DOCK7: variants seen among roughly 807,000 people sequenced by gnomAD.
DOCK7 encodes the protein dedicator of cytokinesis protein 7.
In DOCK7, 138 loss-of-function variants were observed where a neutral mutation model predicts 271.0. The ratio of observed to expected loss-of-function variants is 0.51; its 90% CI spans 0.44 to 0.59. The LOEUF is 0.59. Among genes scored for constraint, DOCK7 ranks in the 20% least tolerant of loss-of-function variants. DOCK7 has a pLI of 0.00. For synonymous variants in DOCK7, 823 were observed against 876.1 expected (o/e 0.94, Z 1.07); for missense variants, 2,066 against 2,592.4 (o/e 0.80, Z 4.41).
At chr1:62,624,464 A>C (rs145294003) in intron 12 of DOCK7, among the ~76,000 whole-genome samples, 1 of 152,276 alleles carries the variant, frequency 6.6e-6, no homozygotes, top group African/African-American at 2.4e-5. Context: ...TTTGATAGAG[A>C]ATGTCTTGGA....
chr1:62,638,110 C>G (rs1655501851), intron 7 of DOCK7, among the ~76,000 whole-genome samples: 1 of 152,162 alleles, frequency 6.6e-6, no homozygotes, highest in South Asian at 2.1e-4. Context: ...ATCTTTTCAT[C>G]TATTCACTGA....
chr1:62,514,592 AG>A (rs1644603222), intron 31 of DOCK7, among the ~76,000 whole-genome samples: 1 of 152,120 alleles, frequency 6.6e-6, no homozygotes, highest in Non-Finnish European at 1.5e-5. Flanking sequence ...GTCCTCCAAC[AG>A]TATTGCCAAG....
At chr1:62,687,003 C>G (rs1226381460) in intron 1 of DOCK7, among the ~76,000 whole-genome samples, 1 of 152,060 alleles carries the variant, frequency 6.6e-6, no homozygotes, top group Non-Finnish European at 1.5e-5. Flanking sequence ...TGGTCTTGAA[C>G]TCCTGGCCTC....
intron 39 of DOCK7, chr1:62,495,355 G>C (rs1646590112): frequency 3.6e-6 from 1 of 275,678 alleles, no homozygotes; most frequent in South Asian, 1.3e-4. Flanking sequence ...ACTTTGGGAG[G>C]CCAAGACAGG....
intron 36 of DOCK7, 76 bp from the exon 37 acceptor site, chr1:62,504,858 T>C (rs1387304014): frequency 6.6e-7 from 1 of 1,511,076 alleles, no homozygotes; most frequent in Non-Finnish European, 8.9e-7. Context: ...TAACCTGAAC[T>C]GGAGACTTGT....
chr1:62,637,836 G>T (rs906477775), intron 7 of DOCK7, among the ~76,000 whole-genome samples: 3 of 152,134 alleles, frequency 2.0e-5, no homozygotes, highest in African/African-American at 7.2e-5. Context: ...TAGCTATACC[G>T]AAGGTCCTTC....
chr1:62,541,266 C>T (rs1465330477), intron 25 of DOCK7, among the ~76,000 whole-genome samples: 1 of 152,186 alleles, frequency 6.6e-6, no homozygotes. Context: ...TTCTCTGTGC[C>T]TTAGTAATAC....
intron 1 of DOCK7, among the ~76,000 whole-genome samples, chr1:62,670,277 G>T (rs1330612261): frequency 6.6e-6 from 1 of 152,252 alleles, no homozygotes; most frequent in African/African-American, 2.4e-5. Flanking sequence ...GAATGCGAGC[G>T]CACGGCGCAG....
chr1:62,505,128 G>C (rs889731183), intron 36 of DOCK7, among the ~76,000 whole-genome samples: 1 of 152,064 alleles, frequency 6.6e-6, no homozygotes, highest in Non-Finnish European at 1.5e-5. Flanking sequence ...AAAATAATAC[G>C]TAAGTTATTT....
intron 49 of DOCK7, 43 bp downstream of exon 49, chr1:62,457,495 T>C (rs1313325499): frequency 1.9e-6 from 3 of 1,580,196 alleles, no homozygotes; most frequent in Admixed American, 1.8e-5. Flanking sequence ...CATGTTAGGT[T>C]TCAGAGGAAA....
At chr1:62,627,045 C>A (rs905233845) in intron 11 of DOCK7, among the ~76,000 whole-genome samples, 3 of 152,034 alleles carry the variant, frequency 2.0e-5, no homozygotes, top group Admixed American at 2.0e-4. Flanking sequence ...CATGCCATGA[C>A]CAAGCAAGAC....
At chr1:62,494,669 G>A in intron 39 of DOCK7, 1 of 371,684 alleles carries the variant, frequency 2.7e-6, no homozygotes, top group Non-Finnish European at 4.8e-6. Flanking sequence ...GTTGGTGGGG[G>A]GGGCAGGAGG....
chr1:62,539,730 G>A (rs763160863), intron 26 of DOCK7, 22 bp downstream of exon 26: 21 of 1,611,438 alleles, frequency 1.3e-5, no homozygotes, highest in Non-Finnish European at 1.7e-5. Context: ...AGAGAGATAA[G>A]TGGGGAAAAA....
At chr1:62,480,957 C>T (rs1400482671) in intron 43 of DOCK7, among the ~76,000 whole-genome samples, 3 of 130,636 alleles carry the variant, frequency 2.3e-5, no homozygotes, top group East Asian at 4.7e-4. Context: ...TGCAGTGAGC[C>T]GAGATCGCGT....
At chr1:62,496,145 GAATT>G (rs1258934143) in intron 38 of DOCK7, among the ~76,000 whole-genome samples, 190 bp downstream of exon 38, 4 of 152,074 alleles carry the variant, frequency 2.6e-5, no homozygotes, top group African/African-American at 7.2e-5. Flanking sequence ...AAACACCACA[GAATT>G]AATTATTTCC....
intron 11 of DOCK7, among the ~76,000 whole-genome samples, chr1:62,625,941 T>A (rs1427777740): frequency 6.6e-6 from 1 of 152,170 alleles, no homozygotes; most frequent in African/African-American, 2.4e-5. Context: ...AGAATATACA[T>A]TCTTGTCAAG....
chr1:62,500,336 CA>C (rs1490912786), intron 37 of DOCK7, among the ~76,000 whole-genome samples: 1 of 150,984 alleles, frequency 6.6e-6, no homozygotes, highest in Non-Finnish European at 1.5e-5. Context: ...TGTGAGCTGG[CA>C]AAAGAAATTT....
chr1:62,546,433 T>C (rs1456910075), intron 22 of DOCK7, among the ~76,000 whole-genome samples: 3 of 152,082 alleles, frequency 2.0e-5, no homozygotes, highest in Admixed American at 2.0e-4. Context: ...TTTTTGACAG[T>C]GACTGTCTAA....
intron 33 of DOCK7, chr1:62,511,380 C>T (rs1257286325): frequency 1.3e-5 from 2 of 152,122 alleles, no homozygotes; most frequent in African/African-American, 4.8e-5. Flanking sequence ...GGAGTGGAGA[C>T]AGCATTGAGA....
Sources: allele counts gnomAD v4.1 joint callset (sites outside exome capture counted in the v4.1 genomes callset), GRCh38; gene constraint gnomAD v4.1.1; transcripts MANE v1.5; gene names NCBI Gene and HGNC (gene_info 2026-07-23, HGNC 2026-07-21).